The following RFX8 variants were observed in gnomAD, a reference collection of about 807,000 sequenced individuals.
RFX8 encodes the protein DNA-binding protein RFX8.
In RFX8, 46 loss-of-function variants were observed where a neutral mutation model predicts 54.6. The ratio of observed to expected loss-of-function variants is 0.84; its 90% CI spans 0.67 to 1.08. The LOEUF (loss-of-function observed/expected upper bound fraction) is 1.08. Among genes scored for constraint, RFX8 ranks in the 50% least tolerant of loss-of-function variants. The pLI is 0.00. For synonymous variants in RFX8, 192 were observed against 209.5 expected (o/e 0.92, Z 0.72); for missense variants, 536 against 562.3 (o/e 0.95, Z 0.47).
chr2:101,429,150 TTTC>T, intron 2 of RFX8: 1 of 599,186 alleles, frequency 1.7e-6, no homozygotes. Flanking sequence ...CTCTGCCATG[TTTC>T]TATCCACGAA....
chr2:101,403,524 C>T (rs1245867360), intron 10 of RFX8, among the ~76,000 whole-genome samples: 2 of 152,182 alleles, frequency 1.3e-5, no homozygotes, highest in Admixed American at 6.5e-5. Flanking sequence ...CAGCGGCTCA[C>T]GCCTGTAATC....
chr2:101,426,988 C>T (rs1687209505), intron 2 of RFX8, among the ~76,000 whole-genome samples: 1 of 152,196 alleles, frequency 6.6e-6, no homozygotes, highest in Non-Finnish European at 1.5e-5. Flanking sequence ...TCTGTGCCCT[C>T]TGGTCCTCTC....
In RFX8 at chr2:101,417,608, C is replaced by T; in HGVS notation, c.428G>A (p.Ser143Asn). 6.4e-7 allele frequency: 1 copy of T among 1,551,712 alleles called. No homozygotes were observed. Among genetic ancestry groups the T allele is most frequent in the Non-Finnish European group, 8.7e-7 (1 of 1,146,882 alleles). ...AAGGAGCCACAGCTTAAATTTCTTA[C>T]TAAATAACTGCACAGATTTCAGGTA... is the stretch of plus-strand genomic sequence containing the variant. ...IQYLKSVQLFSKKFKLWLLNA... is the reference protein window; with the variant it reads ...IQYLKSVQLFNKKFKLWLLNA... The change falls in exon 6 of 12, where the codon AGT becomes AAT. Residue 143 changes from serine to asparagine, a missense_variant. Coordinates refer to ENST00000428343, the MANE Select transcript of RFX8 (RefSeq NM_001145664.2).
intron 9 of RFX8, among the ~76,000 whole-genome samples, chr2:101,409,625 G>C (rs772746469): frequency 2.0e-5 from 3 of 152,058 alleles, no homozygotes; most frequent in African/African-American, 4.8e-5. Flanking sequence ...TCAACCTCCC[G>C]AGTAGCTGGG....
At chr2:101,428,822 T>C (rs577536154) in intron 2 of RFX8, 6 of 631,164 alleles carry the variant, frequency 9.5e-6, no homozygotes, top group South Asian at 5.6e-5. Flanking sequence ...ACATTCATGG[T>C]CAGATGGGTG....
chr2:101,447,506 T>C (rs1688455987), intron 2 of RFX8, among the ~76,000 whole-genome samples: 1 of 152,244 alleles, frequency 6.6e-6, no homozygotes, highest in African/African-American at 2.4e-5. Flanking sequence ...TTTTTTAACA[T>C]ACTAATTGTA....
rs140778846 is a variant in RFX8 at position 101,423,491 on chromosome 2, A to G, written c.73-1019T>C. On this transcript the variant is annotated intron_variant, in intron 2 of 11. Coordinates refer to ENST00000428343, the MANE Select transcript of RFX8 (RefSeq NM_001145664.2). ...CTGCTTTTGAATAATTTCCCTTACA[A>G]TAAAGTAGGATGAAAGAATTCCTCC... Among the ~76,000 whole-genome samples, 87 of 152,222 alleles carry G rather than the reference A, an allele frequency of 5.7e-4. 1 individual carries two copies. In the East Asian group the frequency reaches 0.016, roughly 28 times the overall value.
At position 101,400,352 on chromosome 2, in the gene RFX8, G is replaced by C. The variant is rs2104508399; in HGVS notation, c.1245+2084C>G. Among the ~76,000 whole-genome samples, 2 of 152,302 alleles carry C rather than the reference G, an allele frequency of 1.3e-5. 1 individual carries two copies. Among genetic ancestry groups the C allele is most frequent in the South Asian group, 4.1e-4 (2 of 4,826 alleles). On this transcript the variant is annotated intron_variant, in intron 11 of 11. Transcript: ENST00000428343. Reference sequence around the variant, plus strand: ...AATGCCCCATCTCCATATGTGATCAGTTTCCTCATCCTCTGCCAGCCTCCA... The same window carrying C: ...AATGCCCCATCTCCATATGTGATCACTTTCCTCATCCTCTGCCAGCCTCCA...
chr2:101,404,332 C>T (rs1410743599), intron 10 of RFX8, among the ~76,000 whole-genome samples: 2 of 152,150 alleles, frequency 1.3e-5, no homozygotes, highest in Non-Finnish European at 1.5e-5. Flanking sequence ...AATCATAGTC[C>T]AAGTCCTGAA....
At chr2:101,462,039 T>C (rs1312126360) in intron 2 of RFX8, among the ~76,000 whole-genome samples, 1 of 152,156 alleles carries the variant, frequency 6.6e-6, no homozygotes, top group Admixed American at 6.6e-5. Flanking sequence ...AGGCCACATA[T>C]GGGGATCTAT....
chr2:101,410,588 C>CTTT (rs35603034), intron 9 of RFX8, 31 bp downstream of exon 9: 9 of 995,958 alleles, frequency 9.0e-6, no homozygotes, highest in East Asian at 2.9e-5. Flanking sequence ...GGTCAACACA[C>CTTT]TTTTTTTTTT....
rs1487268519 is a variant in RFX8 at position 101,410,745 on chromosome 2, T to C, written c.719-32A>G. 3 of 1,133,196 alleles carry C rather than the reference T, an allele frequency of 2.6e-6. No homozygotes were observed. The South Asian group carries it at 4.1e-5, about 15-fold the overall frequency. The allele number at this position is 1,133,196 out of a possible 1,614,324, so 70.2% of individuals were successfully genotyped here. On this transcript the variant is annotated intron_variant, in intron 8 of 11. Transcript: ENST00000428343. The stretch of plus-strand genomic sequence containing the variant: ...AGACACAAAATAAACAAACAAAAGA[T>C]TGCATGCAGCAGAGCAGAATTTCTC...
intron 2 of RFX8, among the ~76,000 whole-genome samples, chr2:101,425,512 C>T (rs1396834800): frequency 6.6e-6 from 1 of 152,124 alleles, no homozygotes; most frequent in African/African-American, 2.4e-5. Flanking sequence ...AACACAGTTT[C>T]GCCTGTTCAG....
At chr2:101,472,246 C>T (rs1302838918) in intron 1 of RFX8, among the ~76,000 whole-genome samples, 3 of 152,092 alleles carry the variant, frequency 2.0e-5, no homozygotes, top group African/African-American at 4.8e-5. Context: ...GATTTACAGG[C>T]GCCCGCCACC....
intron 2 of RFX8, among the ~76,000 whole-genome samples, chr2:101,451,716 T>C (rs1688693141): frequency 6.9e-6 from 1 of 144,218 alleles, no homozygotes; most frequent in Admixed American, 7.0e-5. Context: ...AGAAAAGTAA[T>C]ATAGCCTCGG....
intron 4 of RFX8, among the ~76,000 whole-genome samples, chr2:101,420,720 C>T (rs184419281): frequency 6.6e-6 from 1 of 152,318 alleles, no homozygotes; most frequent in Admixed American, 6.5e-5. Flanking sequence ...CTCTGCCTTT[C>T]CTACTAGAGT....
intron 2 of RFX8, among the ~76,000 whole-genome samples, chr2:101,461,278 AAAAAG>A (rs1689263746): frequency 6.7e-6 from 1 of 148,612 alleles, no homozygotes. Flanking sequence ...AAAAAAAAAA[AAAAAG>A]AAAGAAAAAG....
intron 2 of RFX8, among the ~76,000 whole-genome samples, chr2:101,437,294 G>C (rs1470526997): frequency 6.6e-6 from 1 of 151,970 alleles, no homozygotes; most frequent in African/African-American, 2.4e-5. Flanking sequence ...AAAATAATTA[G>C]CCAAGTGCAG....
rs1198537591 is a variant in RFX8, at chr2:101,417,684, C to T, written c.352G>A (p.Gly118Arg). The change falls in exon 6 of 12, where the codon GGA (glycine) becomes AGA (arginine). Residue 118 changes from glycine (G) to arginine (R), a missense_variant and splice_region_variant. Transcript: ENST00000428343. ...TCATGAAGGAGAACATCCTCAATTC[C>T]CTACAACAAAAGTAACAAGACACTA... ...FKCYDVQLYK[G>R]IEDVLLHDFL... is the part of the protein sequence containing the mutation. 2 of 1,545,316 alleles carry T rather than the reference C, an allele frequency of 1.3e-6. No homozygotes were observed. Among genetic ancestry groups the T allele is most frequent in the East Asian group, 2.4e-5 (1 of 40,834 alleles).
Sources: gnomAD v4.1 joint callset for allele counts (sites outside exome capture counted in the v4.1 genomes callset) on GRCh38, gnomAD v4.1.1 for gene constraint, MANE v1.5 for transcripts, NCBI Gene and HGNC (gene_info 2026-07-23, HGNC 2026-07-21) for gene names.